Variants in VDAC1 observed in about 807,000 individuals in gnomAD.
VDAC1 encodes the protein voltage dependent anion channel 1, also known as non-selective voltage-gated ion channel VDAC1.
VDAC1 carries 10 observed loss-of-function variants against 34.7 expected under a neutral mutation model. The observed-to-expected ratio is 0.29, with a 90% CI of 0.18 to 0.49. The LOEUF is 0.49. VDAC1 is among the 20% of genes least tolerant of loss of function. The pLI, the probability that VDAC1 is intolerant of heterozygous loss-of-function variation, is 0.99. For synonymous variants in VDAC1, 130 were observed against 136.0 expected (o/e 0.96, Z 0.30); for missense variants, 230 against 347.9 (o/e 0.66, Z 2.69).
chr5:134,052,772 C>T, the VDAC1 span, among the ~76,000 whole-genome samples: 3 of 152,172 alleles, frequency 2.0e-5, no homozygotes, highest in African/African-American at 7.2e-5. Context: ...TTAGCCCCGA[C>T]ACCATGCTGT....
chr5:134,025,971 A>G, the VDAC1 span, among the ~76,000 whole-genome samples: 1 of 151,906 alleles, frequency 6.6e-6, no homozygotes, highest in Non-Finnish European at 1.5e-5. Flanking sequence ...GGCAGTGCCA[A>G]CCTTCTGCCT....
chr5:133,991,580 C>G (rs1351568563), intron 3 of VDAC1, among the ~76,000 whole-genome samples: 1 of 152,184 alleles, frequency 6.6e-6, no homozygotes, highest in African/African-American at 2.4e-5. Context: ...TGGTTGAATG[C>G]AGGTGAATTT....
the VDAC1 span, among the ~76,000 whole-genome samples, chr5:134,111,623 C>G: frequency 6.6e-6 from 1 of 152,118 alleles, no homozygotes; most frequent in African/African-American, 2.4e-5. Flanking sequence ...GCCCCCTATA[C>G]AGACCACCAA....
chr5:134,079,870 C>T, the VDAC1 span, among the ~76,000 whole-genome samples: 2 of 152,220 alleles, frequency 1.3e-5, no homozygotes, highest in Admixed American at 6.5e-5. Flanking sequence ...GAGGCCAGAA[C>T]AGAGAATACA....
chr5:133,982,890 CAAAAAAA>C (rs1382644803), intron 5 of VDAC1, among the ~76,000 whole-genome samples: 1 of 69,384 alleles, frequency 1.4e-5, no homozygotes, highest in Admixed American at 1.5e-4. Flanking sequence ...AACTCAGTCT[CAAAAAAA>C]AAAAAAAAAA....
chr5:134,045,912 C>T, the VDAC1 span, among the ~76,000 whole-genome samples: 5 of 151,652 alleles, frequency 3.3e-5, no homozygotes, highest in Non-Finnish European at 5.9e-5. Context: ...CTCGAACTCC[C>T]GACCTCAGGT....
chr5:134,014,821 G>A, the VDAC1 span, among the ~76,000 whole-genome samples: 5 of 152,130 alleles, frequency 3.3e-5, no homozygotes, highest in Non-Finnish European at 5.9e-5. Flanking sequence ...AGCCAAGATC[G>A]TGCCACTGCA....
chr5:134,097,760 A>G, the VDAC1 span, among the ~76,000 whole-genome samples: 1 of 152,154 alleles, frequency 6.6e-6, no homozygotes, highest in Non-Finnish European at 1.5e-5. Flanking sequence ...AGAAGGAGCC[A>G]GACGTCTAAT....
the VDAC1 span, among the ~76,000 whole-genome samples, chr5:134,103,677 G>A: frequency 6.6e-6 from 1 of 152,334 alleles, no homozygotes. Context: ...CAGCCAAAGG[G>A]TTGTTTTTAA....
the VDAC1 span, among the ~76,000 whole-genome samples, chr5:134,019,267 T>G: frequency 6.6e-6 from 1 of 151,956 alleles, no homozygotes. Flanking sequence ...ACAAGAATGA[T>G]CACAAAAGAC....
intron 7 of VDAC1, 152 bp downstream of exon 7, chr5:133,975,719 A>G (rs1182775258): frequency 4.1e-6 from 5 of 1,221,242 alleles, no homozygotes; most frequent in Non-Finnish European, 4.6e-6. Context: ...TTGGCCTCCC[A>G]AAGTGCAGGG....
the VDAC1 span, among the ~76,000 whole-genome samples, chr5:134,109,559 C>G: frequency 2.6e-5 from 4 of 152,088 alleles, no homozygotes; most frequent in African/African-American, 9.7e-5. Flanking sequence ...CAGCTGAGGT[C>G]AGGAGTTCGA....
the VDAC1 span, among the ~76,000 whole-genome samples, chr5:134,045,663 C>T: frequency 0.02 from 3,106 of 152,000 alleles, 54 homozygotes; most frequent in Non-Finnish European, 0.029. Context: ...GGATGGTATC[C>T]CCATCCCAAG....
chr5:133,991,175 T>C (rs572186272), intron 3 of VDAC1, 21 bp from the exon 4 acceptor site: 7 of 1,605,592 alleles, frequency 4.4e-6, no homozygotes, highest in South Asian at 2.2e-5. Context: ...GAGAGAAGAG[T>C]CACAGCCTGC....
At chr5:134,058,816 G>A in the VDAC1 span, among the ~76,000 whole-genome samples, 4,580 of 152,274 alleles carry the variant, frequency 0.03, 77 homozygotes, top group African/African-American at 0.039. Context: ...ACACAGCAAC[G>A]TGACCGGCAC....
chr5:134,084,465 A>T, the VDAC1 span, among the ~76,000 whole-genome samples: 1 of 152,328 alleles, frequency 6.6e-6, no homozygotes, highest in Non-Finnish European at 1.5e-5. Flanking sequence ...TGGTCTAAGC[A>T]GGTGTCATGG....
At chr5:134,048,052 C>G in the VDAC1 span, among the ~76,000 whole-genome samples, 4 of 151,924 alleles carry the variant, frequency 2.6e-5, no homozygotes, top group Non-Finnish European at 5.9e-5. Flanking sequence ...TCTGCAAGCT[C>G]CGCCTCCCGG....
intron 5 of VDAC1, among the ~76,000 whole-genome samples, 183 bp downstream of exon 5, chr5:133,990,672 C>A (rs1753071490): frequency 6.6e-6 from 1 of 152,170 alleles, no homozygotes; most frequent in Non-Finnish European, 1.5e-5. Context: ...ATAGCATAGT[C>A]TGTTAGTGCA....
At chr5:133,995,691 C>T (rs957452414) in intron 1 of VDAC1, among the ~76,000 whole-genome samples, 1 of 152,238 alleles carries the variant, frequency 6.6e-6, no homozygotes, top group African/African-American at 2.4e-5. Flanking sequence ...AGGCCCGAGA[C>T]AGCTCTGCCG....
Sources: gnomAD v4.1 joint callset for allele counts (sites outside exome capture counted in the v4.1 genomes callset) on GRCh38, gnomAD v4.1.1 for gene constraint, MANE v1.5 for transcripts, NCBI Gene and HGNC (gene_info 2026-07-23, HGNC 2026-07-21) for gene names.